NOS1AP: variants seen among roughly 807,000 people sequenced by gnomAD.
NOS1AP encodes nitric oxide synthase 1 adaptor protein, also known as carboxyl-terminal PDZ ligand of neuronal nitric oxide synthase protein.
Under a neutral mutation model 56.2 loss-of-function variants are expected in NOS1AP, and 21 were observed. That is an observed-to-expected ratio of 0.37 (90% CI 0.26 to 0.54). The LOEUF is 0.54. Among genes scored for constraint, NOS1AP ranks in the 20% least tolerant of loss-of-function variants. The probability of loss-of-function intolerance (pLI) is 0.84; values close to 1 mark genes in which losing one functional copy is unlikely to be tolerated. For missense variants in NOS1AP, 522 were observed against 657.8 expected (o/e 0.79, Z 2.26); for synonymous variants, 270 against 274.6 (o/e 0.98, Z 0.17).
intron 3 of NOS1AP, among the ~76,000 whole-genome samples, chr1:162,293,403 A>G (rs1003900897): frequency 2.6e-5 from 4 of 152,216 alleles, no homozygotes; most frequent in Admixed American, 2.6e-4. Context: ...CAAAGATGCC[A>G]TATCCATTTC....
intron 2 of NOS1AP, among the ~76,000 whole-genome samples, chr1:162,238,754 GA>G (rs1421021412): frequency 1.3e-5 from 2 of 151,994 alleles, no homozygotes; most frequent in Non-Finnish European, 2.9e-5. Flanking sequence ...AGAATGTTTT[GA>G]AAAAAATGAT....
At position 162,129,440 on chromosome 1, in the gene NOS1AP, A is replaced by G. The variant is rs2102061428; in HGVS notation, c.106-24965A>G. On this transcript the variant is annotated intron_variant, in intron 1 of 9. Coordinates refer to ENST00000361897, the MANE Select transcript of NOS1AP (RefSeq NM_014697.3). ...TCCTGTCCCTGCCCTGCGTCACACA[A>G]TGTGTTTTCCTACCTCTCACGTTTT... is the stretch of plus-strand genomic sequence containing the variant. Among the ~76,000 whole-genome samples the G allele has an allele frequency of 1.3e-5, 2 of 152,114 alleles. 1 individual carries two copies. Among genetic ancestry groups the G allele is most frequent in the South Asian group, 4.2e-4 (2 of 4,802 alleles).
intron 4 of NOS1AP, among the ~76,000 whole-genome samples, chr1:162,302,995 C>G (rs1275551826): frequency 1.3e-5 from 2 of 152,180 alleles, no homozygotes; most frequent in Non-Finnish European, 2.9e-5. Flanking sequence ...TTGCATGTAT[C>G]AGCAGTTCAT....
intron 4 of NOS1AP, among the ~76,000 whole-genome samples, chr1:162,314,782 T>C (rs1453896497): frequency 6.6e-6 from 1 of 152,216 alleles, no homozygotes; most frequent in African/African-American, 2.4e-5. Context: ...CCCAGAGTCC[T>C]GCATGTTTAT....
chr1:162,249,556 A>G (rs911145508), intron 2 of NOS1AP, among the ~76,000 whole-genome samples: 1 of 152,174 alleles, frequency 6.6e-6, no homozygotes, highest in Non-Finnish European at 1.5e-5. Context: ...TCCACACCAA[A>G]TAAGAATCAC....
chr1:162,333,168 G>T (rs1656829315), intron 5 of NOS1AP, 43 bp downstream of exon 5: 1 of 1,365,606 alleles, frequency 7.3e-7, no homozygotes, highest in Non-Finnish European at 1.0e-6. Context: ...TCCTCTAATG[G>T]TTCCAAAGCA....
At chr1:162,361,021 G>A (rs975632365) in intron 8 of NOS1AP, 1 of 418,608 alleles carries the variant, frequency 2.4e-6, no homozygotes, top group African/African-American at 2.0e-5. Flanking sequence ...AGAGCTGGAG[G>A]GTGCAGGGCT....
chr1:162,176,019 C>G (rs1199204228), intron 2 of NOS1AP, among the ~76,000 whole-genome samples: 1 of 152,178 alleles, frequency 6.6e-6, no homozygotes, highest in Non-Finnish European at 1.5e-5. Context: ...TTAGTTTGTA[C>G]AGACTCCACT....
chr1:162,189,985 C>T (rs4657162), intron 2 of NOS1AP, among the ~76,000 whole-genome samples: 1 of 152,122 alleles, frequency 6.6e-6, no homozygotes, highest in Non-Finnish European at 1.5e-5. Flanking sequence ...AGTGAGAGCA[C>T]CCTCCAGTGA....
At chr1:162,360,847 T>C in intron 8 of NOS1AP, 1 of 456,690 alleles carries the variant, frequency 2.2e-6, no homozygotes, top group East Asian at 7.0e-5. Flanking sequence ...TTCTCTCCAC[T>C]GCCATTTCCA....
At chr1:162,128,995 C>T (rs1648622626) in intron 1 of NOS1AP, among the ~76,000 whole-genome samples, 2 of 152,142 alleles carry the variant, frequency 1.3e-5, no homozygotes, top group Admixed American at 6.6e-5. Flanking sequence ...GCTGATAACC[C>T]CTAGGTTTAT....
chr1:162,105,171 T>G (rs1647446421), intron 1 of NOS1AP, among the ~76,000 whole-genome samples: 1 of 152,182 alleles, frequency 6.6e-6, no homozygotes, highest in South Asian at 2.1e-4. Flanking sequence ...ACTGCTGCAG[T>G]TTGCTGGGGG....
At chr1:162,237,896 C>T (rs1653357080) in intron 2 of NOS1AP, among the ~76,000 whole-genome samples, 1 of 152,138 alleles carries the variant, frequency 6.6e-6, no homozygotes, top group South Asian at 2.1e-4. Context: ...ACACATGAGT[C>T]CTTTGCTGTC....
intron 6 of NOS1AP, among the ~76,000 whole-genome samples, chr1:162,349,207 A>C (rs1320291755): frequency 6.6e-6 from 1 of 152,168 alleles, no homozygotes; most frequent in Non-Finnish European, 1.5e-5. Flanking sequence ...GGAAAAAAAA[A>C]AAAAGACCTT....
At chr1:162,190,601 C>T (rs1415255) in intron 2 of NOS1AP, among the ~76,000 whole-genome samples, 1 of 151,912 alleles carries the variant, frequency 6.6e-6, no homozygotes, top group Non-Finnish European at 1.5e-5. Flanking sequence ...TTTATCATTT[C>T]CTTGTGTTGG....
chr1:162,152,559 C>T lies in NOS1AP; in HGVS notation c.106-1846C>T, dbSNP rs371527574. Among the ~76,000 whole-genome samples the T allele has an allele frequency of 3.3e-5, 5 of 152,242 alleles. No homozygotes were observed. In the East Asian group the frequency reaches 7.7e-4, roughly 23 times the overall value. On this transcript the variant is annotated intron_variant, in intron 1 of 9. Coordinates refer to ENST00000361897, the MANE Select transcript of NOS1AP (RefSeq NM_014697.3). The stretch of plus-strand genomic sequence containing the variant: ...AGGAAAAATGTAACCACAGTTAAAT[C>T]TGGCCACGCTATCAGATCTAAGTGG...
chr1:162,125,571 C>T (rs927956454), intron 1 of NOS1AP, among the ~76,000 whole-genome samples: 4 of 151,942 alleles, frequency 2.6e-5, no homozygotes, highest in African/African-American at 4.8e-5. Context: ...TTTGTTGAAA[C>T]TTGGTTGGTT....
chr1:162,190,537 A>G (rs552528458), intron 2 of NOS1AP, among the ~76,000 whole-genome samples: 18 of 152,318 alleles, frequency 1.2e-4, no homozygotes, highest in East Asian at 1.2e-3. Context: ...ATCTTAATAC[A>G]TAGAATATAT....
At chr1:162,356,280 A>T (rs745596633) in intron 7 of NOS1AP, among the ~76,000 whole-genome samples, 6 of 152,214 alleles carry the variant, frequency 3.9e-5, no homozygotes, top group Non-Finnish European at 7.4e-5. Flanking sequence ...CGTAGAAGCC[A>T]TCTTGGTAAA....
Sources: allele counts gnomAD v4.1 joint callset (sites outside exome capture counted in the v4.1 genomes callset), GRCh38; gene constraint gnomAD v4.1.1; transcripts MANE v1.5; gene names NCBI Gene and HGNC (gene_info 2026-07-23, HGNC 2026-07-21).